Variants in PPARG observed in about 807,000 individuals in gnomAD.
PPARG encodes the protein peroxisome proliferator-activated receptor gamma.
PPARG carries 17 observed loss-of-function variants against 39.2 expected under a neutral mutation model. That is an observed-to-expected ratio of 0.43 (90% CI 0.30 to 0.65). The LOEUF (loss-of-function observed/expected upper bound fraction) is 0.65, where lower values mean the gene tolerates loss of function less well. Among genes scored for constraint, PPARG ranks in the 30% least tolerant of loss-of-function variants. The probability of loss-of-function intolerance (pLI) is 0.13; values close to 1 mark genes in which losing one functional copy is unlikely to be tolerated. For synonymous variants in PPARG, 223 were observed against 215.7 expected (o/e 1.03, Z -0.30); for missense variants, 406 against 585.9 (o/e 0.69, Z 3.17).
Position 12,350,682 on chromosome 3 carries a change from G to A in PPARG, c.-8-29022G>A, listed in dbSNP as rs17036333. 1.7e-3 allele frequency among the ~76,000 whole-genome samples: 263 copies of A among 152,268 alleles called. 3 individuals carry two copies. In the East Asian group the frequency reaches 0.046, roughly 27 times the overall value. On this transcript the variant is annotated intron_variant, in intron 2 of 7. Coordinates refer to ENST00000651735, the MANE Select transcript of PPARG (RefSeq NM_138711.6). The stretch of plus-strand genomic sequence containing the variant: ...ATTACAAAACTGACCACAATTCCTC[G>A]CCAACCTAACAGCGTAAGTCTATTT...
chr3:12,326,264 A>T (rs1400393221), intron 2 of PPARG, among the ~76,000 whole-genome samples: 1 of 152,236 alleles, frequency 6.6e-6, no homozygotes, highest in Non-Finnish European at 1.5e-5. Context: ...AGTTAGAATT[A>T]TTCTGCCAAG....
chr3:12,343,341 C>T (rs2125074464), intron 2 of PPARG, among the ~76,000 whole-genome samples: 1 of 152,294 alleles, frequency 6.6e-6, no homozygotes, highest in East Asian at 1.9e-4. Flanking sequence ...TCCTCTCTTT[C>T]CTGAAGGCTT....
chr3:12,374,268 C>T (rs1342699889), intron 2 of PPARG, among the ~76,000 whole-genome samples: 1 of 152,032 alleles, frequency 6.6e-6, no homozygotes, highest in African/African-American at 2.4e-5. Flanking sequence ...TCTGTGTGAT[C>T]CTCTAATGAA....
chr3:12,356,860 T>C (rs533451779), intron 2 of PPARG, among the ~76,000 whole-genome samples: 1 of 152,298 alleles, frequency 6.6e-6, no homozygotes, highest in East Asian at 1.9e-4. Flanking sequence ...CCAAGCCTAG[T>C]ATGTCTTGAA....
At chr3:12,388,213 A>G (rs2049951250) in intron 4 of PPARG, among the ~76,000 whole-genome samples, 1 of 152,208 alleles carries the variant, frequency 6.6e-6, no homozygotes, top group African/African-American at 2.4e-5. Context: ...TTTGAGAATT[A>G]AAGAGACTTC....
intron 4 of PPARG, among the ~76,000 whole-genome samples, chr3:12,382,200 C>A (rs2049696478): frequency 6.6e-6 from 1 of 152,044 alleles, no homozygotes. Context: ...TCAATGTGAG[C>A]CACATACACG....
At position 12,324,151 on chromosome 3, in the gene PPARG, C is replaced by A. The variant is rs530173284; in HGVS notation, c.-9+11698C>A. Reference sequence around the variant, plus strand: ...AAAATTAGCCACGTGTGTTGGCACTCACCTGTAATCCCCGTTACTTGGGAG... The same window carrying A: ...AAAATTAGCCACGTGTGTTGGCACTAACCTGTAATCCCCGTTACTTGGGAG... On this transcript the variant is annotated intron_variant, in intron 2 of 7. Coordinates refer to ENST00000651735, the MANE Select transcript of PPARG (RefSeq NM_138711.6). Among the ~76,000 whole-genome samples, 98 of 152,172 alleles carry A rather than the reference C, an allele frequency of 6.4e-4. 1 individual carries two copies. Among genetic ancestry groups the A allele is most frequent in the African/African-American group, 2.3e-3 (94 of 41,470 alleles).
intron 1 of PPARG, among the ~76,000 whole-genome samples, chr3:12,302,551 G>A (rs1481240677): frequency 2.6e-5 from 4 of 152,152 alleles, no homozygotes; most frequent in Non-Finnish European, 5.9e-5. Flanking sequence ...CCTGGTTTGA[G>A]GTAACCAAAA....
chr3:12,401,489 C>A (rs1428387594), intron 5 of PPARG, among the ~76,000 whole-genome samples: 1 of 152,144 alleles, frequency 6.6e-6, no homozygotes. Context: ...TAAACACTTC[C>A]TGTGCCTCCT....
intron 4 of PPARG, among the ~76,000 whole-genome samples, chr3:12,388,000 A>G (rs2049942612): frequency 6.6e-6 from 1 of 152,186 alleles, no homozygotes; most frequent in Admixed American, 6.6e-5. Flanking sequence ...TCAGCTAGCC[A>G]AGTAGCATTT....
intron 7 of PPARG, among the ~76,000 whole-genome samples, chr3:12,423,976 A>G (rs1439529990): frequency 6.6e-6 from 1 of 152,202 alleles, no homozygotes; most frequent in Non-Finnish European, 1.5e-5. Context: ...ACAGGCACCT[A>G]TGTTGTTTCT....
chr3:12,387,759 T>C (rs1389694232), intron 4 of PPARG, among the ~76,000 whole-genome samples: 1 of 152,234 alleles, frequency 6.6e-6, no homozygotes, highest in East Asian at 1.9e-4. Flanking sequence ...TTGTTGCTAT[T>C]GCTTTTGGTG....
chr3:12,417,015 A>G lies in PPARG; in HGVS notation c.1041A>G (p.Thr347=). ...TATCCGAGGGCCAAGGCTTCATGACAAGGGAGTTTCTAAAGAGCCTGCGAA... is the reference window on the plus strand; with the variant it reads ...TATCCGAGGGCCAAGGCTTCATGACGAGGGAGTTTCTAAAGAGCCTGCGAA... The part of the protein sequence containing the change: ...VLISEGQGFM[T]REFLKSLRKP... Residue 347 remains threonine (T), a synonymous_variant, in exon 7 of 8, where the codon ACA becomes ACG. Transcript: ENST00000651735. The G allele has an allele frequency of 1.2e-6, 2 of 1,613,578 alleles. No homozygotes were observed. The highest frequency in any genetic ancestry group is 1.1e-5 in the South Asian group (1 of 91,052).
intron 1 of PPARG, among the ~76,000 whole-genome samples, chr3:12,296,254 C>CA (rs545210244): frequency 0.038 from 1,809 of 47,792 alleles, 88 homozygotes; most frequent in Non-Finnish European, 0.045. Flanking sequence ...CACTTTGTCT[C>CA]AAAAAAAAAA....
chr3:12,296,805 G>T (rs933152128), intron 1 of PPARG, among the ~76,000 whole-genome samples: 1 of 152,172 alleles, frequency 6.6e-6, no homozygotes, highest in African/African-American at 2.4e-5. Context: ...CACAGAAGAT[G>T]ATCGGCCCTA....
chr3:12,288,439 G>A (rs924927658), upstream of PPARG, among the ~76,000 whole-genome samples: 1 of 151,972 alleles, frequency 6.6e-6, no homozygotes, highest in African/African-American at 2.4e-5. Context: ...GGAGAGCGCC[G>A]GGTGGGCGCG....
Position 12,379,728 on chromosome 3 carries a change from T to C in PPARG, c.17T>C (p.Met6Thr), listed in dbSNP as rs748119466. 3 of 1,614,020 alleles carry C rather than the reference T, an allele frequency of 1.9e-6. No individual in the cohort carries two copies. The South Asian group carries it at 3.3e-5, about 18-fold the overall frequency. MVDTE[M>T]PFWPTNFGIS... ...GAAATGACCATGGTTGACACAGAGATGCCATTCTGGCCCACCAACTTTGGG... is the reference window on the plus strand; with the variant it reads ...GAAATGACCATGGTTGACACAGAGACGCCATTCTGGCCCACCAACTTTGGG... Residue 6 changes from methionine (M) to threonine (T), a missense_variant, in exon 3 of 8, where the codon ATG becomes ACG. Met to Thr is a moderately conservative substitution (Grantham distance 81). This residue lies in a region of PPARG where 131 missense variants were observed against 127.9 expected (regional missense o/e 1.02). Transcript: ENST00000651735.
chr3:12,335,845 A>C (rs4518111), intron 2 of PPARG, among the ~76,000 whole-genome samples: 98,299 of 151,926 alleles, frequency 0.65, 33,016 homozygotes, highest in African/African-American at 0.83. Flanking sequence ...GAAAAAAAAA[A>C]AAAACAAGAA....
intron 2 of PPARG, among the ~76,000 whole-genome samples, chr3:12,325,396 G>A (rs1390957521): frequency 6.6e-6 from 1 of 152,106 alleles, no homozygotes. Flanking sequence ...ACTCTAGCCT[G>A]GGCGACAAGA....
Sources: gnomAD v4.1 joint callset for allele counts (sites outside exome capture counted in the v4.1 genomes callset) on GRCh38, gnomAD v4.1.1 for gene constraint, gnomAD v4.1.1 regional missense constraint, MANE v1.5 for transcripts, NCBI Gene and HGNC (gene_info 2026-07-23, HGNC 2026-07-21) for gene names.